Variants in PPARGC1A observed in about 807,000 individuals in gnomAD.
PPARGC1A encodes the protein peroxisome proliferator-activated receptor gamma coactivator 1-alpha.
PPARGC1A carries 25 observed loss-of-function variants against 88.7 expected under a neutral mutation model. The observed-to-expected ratio is 0.28, with a 90% CI of 0.21 to 0.39. The LOEUF (loss-of-function observed/expected upper bound fraction) is 0.39. PPARGC1A is among the 10% of genes least tolerant of loss of function. The probability of loss-of-function intolerance (pLI) is 1.00; values close to 1 mark genes in which losing one functional copy is unlikely to be tolerated. For missense variants in PPARGC1A, 880 were observed against 968.7 expected (o/e 0.91, Z 1.22); for synonymous variants, 363 against 355.6 (o/e 1.02, Z -0.24).
chr4:24,199,482 C>T, the PPARGC1A span, among the ~76,000 whole-genome samples: 1 of 152,068 alleles, frequency 6.6e-6, no homozygotes, highest in Non-Finnish European at 1.5e-5. Flanking sequence ...AGAGAGAGTG[C>T]CACAGAGGAC....
intron 1 of PPARGC1A, among the ~76,000 whole-genome samples, chr4:23,887,377 G>A (rs1577663619): frequency 6.6e-6 from 1 of 152,174 alleles, no homozygotes; most frequent in Non-Finnish European, 1.5e-5. Flanking sequence ...TTTGGCCTTT[G>A]GACAATGCCA....
intron 2 of PPARGC1A, among the ~76,000 whole-genome samples, chr4:23,855,165 G>C (rs958077229): frequency 1.3e-5 from 2 of 152,142 alleles, no homozygotes; most frequent in East Asian, 3.9e-4. Flanking sequence ...TTCACCTCCT[G>C]CCACAATTGT....
At chr4:24,170,211 A>T in the PPARGC1A span, among the ~76,000 whole-genome samples, 1 of 152,106 alleles carries the variant, frequency 6.6e-6, no homozygotes, top group African/African-American at 2.4e-5. Context: ...AAGGGTAAAA[A>T]ATCAGTTAGT....
the PPARGC1A span, among the ~76,000 whole-genome samples, chr4:24,105,645 T>C: frequency 1.3e-5 from 2 of 152,098 alleles, no homozygotes; most frequent in African/African-American, 4.8e-5. Flanking sequence ...ACCACCCTTA[T>C]ATAATAAGCG....
the PPARGC1A span, among the ~76,000 whole-genome samples, chr4:24,365,866 C>T: frequency 6.6e-6 from 1 of 152,070 alleles, no homozygotes; most frequent in Non-Finnish European, 1.5e-5. Context: ...TCTTAACAAG[C>T]TATAGGCAGA....
the PPARGC1A span, among the ~76,000 whole-genome samples, chr4:23,910,109 A>G: frequency 5.9e-3 from 793 of 135,118 alleles, 8 homozygotes; most frequent in African/African-American, 0.021. Flanking sequence ...ATATATATGT[A>G]TATGTGTGTG....
At chr4:24,281,314 G>T in the PPARGC1A span, among the ~76,000 whole-genome samples, 2 of 152,232 alleles carry the variant, frequency 1.3e-5, no homozygotes, top group Non-Finnish European at 2.9e-5. Flanking sequence ...GACTGTACAG[G>T]AAGCATGGCA....
the PPARGC1A span, among the ~76,000 whole-genome samples, chr4:24,036,328 C>T: frequency 6.6e-6 from 1 of 152,204 alleles, no homozygotes; most frequent in African/African-American, 2.4e-5. Flanking sequence ...TGCAAAACCA[C>T]TTGGCAGTGT....
At chr4:24,470,531 C>T in the PPARGC1A span, among the ~76,000 whole-genome samples, 1 of 152,114 alleles carries the variant, frequency 6.6e-6, no homozygotes, top group African/African-American at 2.4e-5. The surrounding 1 kb of genome is among the most constrained non-coding windows in gnomAD (Gnocchi z 5.8). Flanking sequence ...CCCGATCGTG[C>T]TTCTCCAGGC....
the PPARGC1A span, among the ~76,000 whole-genome samples, chr4:24,161,664 C>T: frequency 3.9e-5 from 6 of 152,012 alleles, no homozygotes; most frequent in Admixed American, 6.6e-5. Flanking sequence ...GAAGATAAAA[C>T]GTAAAGAGAT....
the PPARGC1A span, among the ~76,000 whole-genome samples, chr4:24,040,673 G>A: frequency 6.6e-6 from 1 of 152,164 alleles, no homozygotes; most frequent in Non-Finnish European, 1.5e-5. Flanking sequence ...TTACAGATCT[G>A]AGTCTTTCGC....
At chr4:23,888,889 C>G (rs1717353378) in intron 1 of PPARGC1A, 11 of 967,946 alleles carry the variant, frequency 1.1e-5, no homozygotes, top group Non-Finnish European at 1.1e-5. Flanking sequence ...TTGCCAGATT[C>G]ATTGTTAGCA....
chr4:24,277,555 C>A, the PPARGC1A span, among the ~76,000 whole-genome samples: 1 of 151,846 alleles, frequency 6.6e-6, no homozygotes, highest in African/African-American at 2.4e-5. Context: ...CAACAGAAAC[C>A]CAGCTCAGCA....
At chr4:24,145,248 C>T in the PPARGC1A span, among the ~76,000 whole-genome samples, 31 of 152,282 alleles carry the variant, frequency 2.0e-4, no homozygotes, top group African/African-American at 6.7e-4. Context: ...GCCCAAAACA[C>T]TCAGCTAATA....
chr4:24,409,521 A>G, the PPARGC1A span, among the ~76,000 whole-genome samples: 1 of 152,238 alleles, frequency 6.6e-6, no homozygotes, highest in South Asian at 2.1e-4. Context: ...CACAGATACT[A>G]GTGTTGCAAG....
chr4:24,260,486 G>C, the PPARGC1A span, among the ~76,000 whole-genome samples: 1 of 152,190 alleles, frequency 6.6e-6, no homozygotes, highest in Non-Finnish European at 1.5e-5. Context: ...AACATCCAAA[G>C]AGATTTAGAA....
chr4:24,022,465 G>A, the PPARGC1A span, among the ~76,000 whole-genome samples: 1 of 152,170 alleles, frequency 6.6e-6, no homozygotes. Flanking sequence ...CAACTGTGAT[G>A]TAAGTGCCAC....
the PPARGC1A span, among the ~76,000 whole-genome samples, chr4:24,023,400 G>A: frequency 6.6e-6 from 1 of 152,070 alleles, no homozygotes; most frequent in African/African-American, 2.4e-5. Context: ...AAACAGATAA[G>A]GGCCAACTGA....
At chr4:24,288,189 C>A in the PPARGC1A span, among the ~76,000 whole-genome samples, 123 of 152,296 alleles carry the variant, frequency 8.1e-4, 2 homozygotes, top group East Asian at 0.012. Flanking sequence ...TTACCAACAA[C>A]CCTGGTTTTC....
Sources: allele counts gnomAD v4.1 joint callset (sites outside exome capture counted in the v4.1 genomes callset), GRCh38; gene constraint gnomAD v4.1.1; non-coding constraint Gnocchi (gnomAD v3.1); transcripts MANE v1.5; gene names NCBI Gene and HGNC (gene_info 2026-07-23, HGNC 2026-07-21).